Variants in ARHGAP32 observed in about 807,000 individuals in gnomAD.
ARHGAP32 encodes the protein Rho GTPase activating protein 32, also known as rho GTPase-activating protein 32.
ARHGAP32 carries 51 observed loss-of-function variants against 186.5 expected under a neutral mutation model. The observed-to-expected ratio is 0.27, with a 90% CI of 0.22 to 0.35. ARHGAP32 has a LOEUF of 0.35. Among genes scored for constraint, ARHGAP32 ranks in the 10% least tolerant of loss-of-function variants. The probability of loss-of-function intolerance (pLI) is 1.00; values close to 1 mark genes in which losing one functional copy is unlikely to be tolerated. For missense variants in ARHGAP32, 2,186 were observed against 2,623.5 expected (o/e 0.83, Z 3.64); for synonymous variants, 950 against 964.3 (o/e 0.99, Z 0.27).
intron 10 of ARHGAP32, among the ~76,000 whole-genome samples, chr11:129,053,148 C>G (rs1940124506): frequency 1.3e-5 from 2 of 151,836 alleles, no homozygotes; most frequent in Non-Finnish European, 2.9e-5. Context: ...AGTGTTTAAG[C>G]CTCGGTTGGT....
chr11:129,114,480 C>CAA (rs1309522602), intron 5 of ARHGAP32, among the ~76,000 whole-genome samples: 7 of 152,110 alleles, frequency 4.6e-5, no homozygotes, highest in Non-Finnish European at 8.8e-5. Context: ...CAGTGGTACT[C>CAA]ACATAGGTGG....
chr11:129,129,388 C>T (rs555316662), intron 2 of ARHGAP32, among the ~76,000 whole-genome samples: 1 of 151,720 alleles, frequency 6.6e-6, no homozygotes, highest in East Asian at 2.0e-4. Flanking sequence ...CCCCTCCGCC[C>T]GGCAGCCGCC....
chr11:129,071,262 G>A (rs968070343), intron 6 of ARHGAP32, among the ~76,000 whole-genome samples: 1 of 151,780 alleles, frequency 6.6e-6, no homozygotes, highest in African/African-American at 2.4e-5. Flanking sequence ...CAAAGAAAAT[G>A]ATTATCAGGG....
At chr11:129,265,371 G>A (rs1945383070) in intron 1 of ARHGAP32, among the ~76,000 whole-genome samples, 1 of 152,222 alleles carries the variant, frequency 6.6e-6, no homozygotes, top group Admixed American at 6.5e-5. Flanking sequence ...AGAGAAGAGA[G>A]AGAGGTTGTC....
At chr11:129,078,967 A>T (rs1941137993) in intron 6 of ARHGAP32, among the ~76,000 whole-genome samples, 1 of 152,164 alleles carries the variant, frequency 6.6e-6, no homozygotes, top group South Asian at 2.1e-4. Context: ...AATGCAAAAT[A>T]GACTGGAAAT....
At chr11:129,081,220 C>G (rs535891177) in intron 6 of ARHGAP32, among the ~76,000 whole-genome samples, 8 of 152,118 alleles carry the variant, frequency 5.3e-5, no homozygotes, top group African/African-American at 1.9e-4. Flanking sequence ...TCACACTATT[C>G]CAAAAGATAG....
chr11:129,118,327 A>G (rs529308071), intron 5 of ARHGAP32, among the ~76,000 whole-genome samples: 2 of 151,900 alleles, frequency 1.3e-5, no homozygotes, highest in Admixed American at 1.3e-4. Flanking sequence ...CTTTTCTGGA[A>G]AAAAAAATAT....
In ARHGAP32 at chr11:128,970,100, A is replaced by T. The variant is rs1461101636; in HGVS notation, c.5113T>A (p.Phe1705Ile). The change falls in exon 23 of 23, where the codon TTC (phenylalanine) becomes ATC (isoleucine). Residue 1705 changes from phenylalanine (F) to isoleucine (I), a missense_variant. This residue lies in a region of ARHGAP32 where 1,502 missense variants were observed against 1,570.0 expected (regional missense o/e 0.96). Coordinates refer to ENST00000682385, the MANE Select transcript of ARHGAP32 (RefSeq NM_001378024.1). This position sits in a 1 kb window ranked among gnomAD's most constrained non-coding sequence, Gnocchi z 5.8. ...LHRLPNRDFA[F>I]YNPRLQGKSL... ...TTTCCTTGCAGCCTAGGATTGTAGA[A>T]AGCAAAGTCTCGATTGGGAAGGCGG... 1.9e-6 allele frequency: 3 copies of T among 1,614,192 alleles called. No homozygotes were observed. The highest frequency in any genetic ancestry group is 2.5e-6 in the Non-Finnish European group (3 of 1,180,040).
intron 1 of ARHGAP32, among the ~76,000 whole-genome samples, chr11:129,271,282 C>T (rs1423960858): frequency 1.3e-5 from 2 of 151,822 alleles, no homozygotes; most frequent in South Asian, 2.1e-4. Flanking sequence ...AGGTTTTTGC[C>T]AGTGAAAAAA....
At chr11:129,158,946 C>A (rs1488651934) in intron 2 of ARHGAP32, among the ~76,000 whole-genome samples, 1 of 152,124 alleles carries the variant, frequency 6.6e-6, no homozygotes, top group East Asian at 1.9e-4. Context: ...ACAATCTGCA[C>A]CTGAATGACT....
At chr11:129,077,846 C>T (rs546122048) in intron 6 of ARHGAP32, among the ~76,000 whole-genome samples, 1 of 152,286 alleles carries the variant, frequency 6.6e-6, no homozygotes, top group Non-Finnish European at 1.5e-5. Context: ...CTTCAAAGCG[C>T]CACCGCCTGG....
intron 1 of ARHGAP32, among the ~76,000 whole-genome samples, chr11:129,179,597 T>G (rs1944004021): frequency 6.6e-6 from 1 of 151,638 alleles, no homozygotes. Context: ...ATATACACCA[T>G]GGAATACTAT....
intron 2 of ARHGAP32, among the ~76,000 whole-genome samples, chr11:129,155,555 C>T (rs1943382858): frequency 6.6e-6 from 1 of 152,112 alleles, no homozygotes; most frequent in Non-Finnish European, 1.5e-5. Flanking sequence ...GAGTACATCA[C>T]CACACAGAAT....
rs1490901333 is a variant in ARHGAP32, at chr11:128,966,311, C to A, written c.*2596G>T. On this transcript the variant is annotated 3_prime_UTR_variant, in exon 23 of 23. Transcript: ENST00000682385. ...CATTCAGTTACCCCATTTGTGAAGT[C>A]CCCCATTTGTGAAGTCACACACAAG... 6.6e-6 allele frequency: 1 copy of A among 152,196 alleles called. No homozygotes were observed. The highest frequency in any genetic ancestry group is 2.4e-5 in the African/African-American group (1 of 41,432). The allele number at this position is 152,196 out of a possible 1,614,324, so 9.4% of individuals were successfully genotyped here.
At chr11:129,068,040 C>G (rs544570161) in intron 6 of ARHGAP32, among the ~76,000 whole-genome samples, 1 of 152,140 alleles carries the variant, frequency 6.6e-6, no homozygotes, top group Non-Finnish European at 1.5e-5. Flanking sequence ...GTGACTGAGA[C>G]TTTTGAAGAA....
At chr11:129,086,359 G>C (rs1941393248) in intron 6 of ARHGAP32, among the ~76,000 whole-genome samples, 1 of 152,166 alleles carries the variant, frequency 6.6e-6, no homozygotes, top group Non-Finnish European at 1.5e-5. Context: ...AGAAAATCTA[G>C]ATGACCTTAG....
At chr11:129,086,781 A>G (rs1382923786) in intron 6 of ARHGAP32, among the ~76,000 whole-genome samples, 3 of 149,586 alleles carry the variant, frequency 2.0e-5, no homozygotes, top group Non-Finnish European at 3.0e-5. Context: ...AGATTGCGCC[A>G]CTGCACTCCA....
intron 6 of ARHGAP32, among the ~76,000 whole-genome samples, chr11:129,076,934 G>A (rs1197619350): frequency 4.6e-5 from 7 of 152,292 alleles, no homozygotes; most frequent in Admixed American, 3.9e-4. Flanking sequence ...AACTGTGAGT[G>A]CCCCAAGTGT....
intron 11 of ARHGAP32, among the ~76,000 whole-genome samples, chr11:129,022,906 T>TA (rs1938660153): frequency 1.3e-5 from 2 of 152,158 alleles, no homozygotes; most frequent in Non-Finnish European, 2.9e-5. Flanking sequence ...GCATTCTTTT[T>TA]TAAAAAAAGA....
Sources: gnomAD v4.1 joint callset for allele counts (sites outside exome capture counted in the v4.1 genomes callset) on GRCh38, gnomAD v4.1.1 for gene constraint, gnomAD v4.1.1 regional missense constraint, Gnocchi (gnomAD v3.1) non-coding constraint, MANE v1.5 for transcripts, NCBI Gene and HGNC (gene_info 2026-07-23, HGNC 2026-07-21) for gene names.